The following TMEM25 variants were observed in gnomAD, a reference collection of about 807,000 sequenced individuals.
The protein encoded by TMEM25 is 0610039J01Rik.
Under a neutral mutation model 37.0 loss-of-function variants are expected in TMEM25, and 36 were observed. The ratio of observed to expected loss-of-function variants is 0.97; its 90% CI spans 0.75 to 1.28. The LOEUF (loss-of-function observed/expected upper bound fraction) is 1.28, where lower values mean the gene tolerates loss of function less well. Ranked by LOEUF, TMEM25 falls within the 50% of genes most tolerant of loss-of-function variation. The pLI is 0.00. For synonymous variants in TMEM25, 197 were observed against 203.7 expected, an observed-to-expected ratio of 0.97 and a Z score of 0.28; for missense variants, 444 against 477.9, an observed-to-expected ratio of 0.93 and a Z score of 0.66.
chr11:118,543,953 T>C (rs1272273311), intron 8 of TMEM25, among the ~76,000 whole-genome samples: 1 of 152,034 alleles, frequency 6.6e-6, no homozygotes, highest in African/African-American at 2.4e-5. Context: ...ACTACAGGCA[T>C]GCACCAAAAC....
intron 1 of TMEM25, 178 bp downstream of exon 1, chr11:118,531,412 T>G: frequency 2.6e-6 from 1 of 383,142 alleles, no homozygotes; most frequent in East Asian, 5.9e-5. Flanking sequence ...GGAGAGAGAA[T>G]AGGATTAGGA....
downstream of TMEM25, among the ~76,000 whole-genome samples, chr11:118,537,569 C>A (rs1951527098): frequency 6.6e-6 from 1 of 152,192 alleles, no homozygotes; most frequent in Admixed American, 6.5e-5. Flanking sequence ...TTTTCCTTCA[C>A]CCACATTTTC....
In TMEM25 at chr11:118,534,601, A is replaced by G. The variant is rs782136504; in HGVS notation, c.*21A>G. The stretch of plus-strand genomic sequence containing the variant: ...TCTGAGCCGAGGGCGAGACAGGAGT[A>G]TTCTCTTGGCCTCTGGACACCCTCC... On this transcript the variant is annotated 3_prime_UTR_variant, in exon 9 of 9. Coordinates refer to ENST00000313236, the MANE Select transcript of TMEM25 (RefSeq NM_032780.4). The surrounding 1 kb of genome is among the most constrained non-coding windows in gnomAD (Gnocchi z 4.6). The G allele has an allele frequency of 6.2e-7, 1 of 1,613,626 alleles. No individual in the cohort carries two copies. The highest frequency in any genetic ancestry group is 8.5e-7 in the Non-Finnish European group (1 of 1,179,668).
At chr11:118,539,716 A>T (rs1417352091), downstream of TMEM25, among the ~76,000 whole-genome samples, 1 of 151,602 alleles carries the variant, frequency 6.6e-6, no homozygotes, top group Admixed American at 6.6e-5. Context: ...ATGGGCTGTG[A>T]TTTTTTCTTT....
intron 4 of TMEM25, 26 bp from the exon 5 acceptor site, chr11:118,533,394 G>C (rs982160792): frequency 3.7e-5 from 59 of 1,612,338 alleles, no homozygotes; most frequent in Non-Finnish European, 4.8e-5. Context: ...ACCCACTTGG[G>C]ACCTGACACA....
Position 118,535,636 on chromosome 11 carries a change from A to G in TMEM25, c.*1056A>G. On this transcript the variant is annotated 3_prime_UTR_variant, in exon 9 of 9. Coordinates refer to ENST00000313236, the MANE Select transcript of TMEM25 (RefSeq NM_032780.4). The stretch of plus-strand genomic sequence containing the variant: ...AACAGTGTGGAAGCTTTAGGGGAAC[A>G]TGGAGAAAGAAGGAGACCACATACC... 1 of 1,525,670 alleles carries G rather than the reference A, an allele frequency of 6.6e-7. No homozygotes were observed. 94.5% of individuals were successfully genotyped at this position (1,525,670 alleles called of 1,614,324 possible).
intron 8 of TMEM25, chr11:118,545,501 CGAA>C (rs781965412): frequency 3.6e-5 from 58 of 1,607,512 alleles, no homozygotes; most frequent in African/African-American, 6.7e-5. Flanking sequence ...ATGGCTGAAA[CGAA>C]GAAGAACTTC....
chr11:118,542,553 G>T (rs1951591712), intron 8 of TMEM25, among the ~76,000 whole-genome samples: 1 of 151,568 alleles, frequency 6.6e-6, no homozygotes, highest in African/African-American at 2.4e-5. Context: ...AGGATGAGTT[G>T]AGGCCAGGAG....
At position 118,533,170 on chromosome 11, in the gene TMEM25, T is replaced by C; in HGVS notation, c.636T>C (p.Asn212=). ...LAHNLSVVAT[N]DVGVTSASLP... ...ACAACCTCTCGGTGGTGGCCACCAA[T>C]GACGTGGGTGTCACCAGTGCGTCGC... The change falls in exon 4 of 9, where the codon AAT becomes AAC. Residue 212 remains asparagine (N), a synonymous_variant. Coordinates refer to ENST00000313236, the MANE Select transcript of TMEM25 (RefSeq NM_032780.4). 1 of 1,526,352 alleles carries C rather than the reference T, an allele frequency of 6.6e-7. No individual in the cohort carries two copies. Among genetic ancestry groups the C allele is most frequent in the Non-Finnish European group, 8.8e-7 (1 of 1,140,328 alleles). The allele number at this position is 1,526,352 out of a possible 1,614,324, so 94.6% of individuals were successfully genotyped here.
At position 118,534,426 on chromosome 11, in the gene TMEM25, G is replaced by T. The variant is rs563103613; in HGVS notation, c.1027+71G>T. On this transcript the variant is annotated intron_variant, in intron 8 of 8. Transcript: ENST00000313236. This position sits in a 1 kb window ranked among gnomAD's most constrained non-coding sequence, Gnocchi z 4.6. Reference sequence around the variant, plus strand: ...CTGTGCTTATGCCAGAGGCCTCCAAGTGCCCAGGAGGCAGAGAGAGCTCTC... The same window carrying T: ...CTGTGCTTATGCCAGAGGCCTCCAATTGCCCAGGAGGCAGAGAGAGCTCTC... The T allele has an allele frequency of 6.2e-7, 1 of 1,610,058 alleles. No individual in the cohort carries two copies. The highest frequency in any genetic ancestry group is 8.5e-7 in the Non-Finnish European group (1 of 1,177,878).
chr11:118,536,606 ATAATATT>A (rs1458831732), downstream of TMEM25, among the ~76,000 whole-genome samples: 3 of 152,232 alleles, frequency 2.0e-5, no homozygotes, highest in African/African-American at 7.2e-5. Flanking sequence ...AGAAAAATAA[ATAATATT>A]TCTTTAATTA....
At position 118,534,438 on chromosome 11, in the gene TMEM25, C is replaced by T; in HGVS notation, c.1028-69C>T. 6.2e-7 allele frequency: 1 copy of T among 1,610,574 alleles called. No homozygotes were observed. The highest frequency in any genetic ancestry group is 8.5e-7 in the Non-Finnish European group (1 of 1,178,072). On this transcript the variant is annotated intron_variant, in intron 8 of 8. Coordinates refer to ENST00000313236, the MANE Select transcript of TMEM25 (RefSeq NM_032780.4). The surrounding 1 kb of genome is among the most constrained non-coding windows in gnomAD (Gnocchi z 4.6). ...CAGAGGCCTCCAAGTGCCCAGGAGG[C>T]AGAGAGAGCTCTCCAAATTCCAAGG...
At position 118,545,151 on chromosome 11, in the gene TMEM25, C is replaced by T. The variant is rs190497512; in HGVS notation, c.1028-968C>T. 5.3e-4 allele frequency: 380 copies of T among 723,598 alleles called. 3 individuals are homozygous for T. The highest frequency in any genetic ancestry group is 3.9e-3 in the African/African-American group (220 of 56,924). 44.8% of individuals were successfully genotyped at this position (723,598 alleles called of 1,614,324 possible). ...ATGAGGGAACTTGGTTCTGAAAGAA[C>T]GAGTGTCCTCTGTAGATCCTCACCT... On this transcript the variant is annotated intron_variant, in intron 8 of 8. Coordinates refer to the TMEM25 transcript ENST00000354284.
downstream of TMEM25, among the ~76,000 whole-genome samples, chr11:118,540,020 CAAA>C (rs200560621): frequency 0.24 from 19,120 of 80,158 alleles, 1,651 homozygotes; most frequent in East Asian, 0.57. Context: ...GACTCCGTCT[CAAA>C]AAAAAAAAAA....
Position 118,532,941 on chromosome 11 carries a change from G to A in TMEM25, c.407G>A (p.Gly136Asp), listed in dbSNP as rs1262578704. The change falls in exon 4 of 9, where the codon GGC becomes GAC. Residue 136 changes from glycine (G) to aspartate (D), a missense_variant. By Grantham distance (94) the Gly-to-Asp change is moderately conservative. Coordinates refer to ENST00000313236, the MANE Select transcript of TMEM25 (RefSeq NM_032780.4). ...VQFKPEIAQV[G>D]AKYQEAQGPG... ...GTCAAGCCAGAGATTGCCCAAGTCG[G>A]CGCCAAGTACCAGGAAGCTCAGGGC... 1 of 1,613,804 alleles carries A rather than the reference G, an allele frequency of 6.2e-7. No homozygotes were observed. The highest frequency in any genetic ancestry group is 1.3e-5 in the African/African-American group (1 of 74,928).
intron 1 of TMEM25, 53 bp downstream of exon 1, chr11:118,531,287 C>T (rs1555057952): frequency 4.3e-5 from 15 of 349,252 alleles, no homozygotes. Context: ...CGACCCCACC[C>T]TCCGACCCTC....
At position 118,545,714 on chromosome 11, in the gene TMEM25, C is replaced by T; in HGVS notation, c.1028-405C>T. 2.1e-6 allele frequency: 3 copies of T among 1,438,560 alleles called. No homozygotes were observed. In the South Asian group the frequency reaches 3.4e-5, roughly 16 times the overall value. The allele number at this position is 1,438,560 out of a possible 1,614,324, so 89.1% of individuals were successfully genotyped here. On this transcript the variant is annotated intron_variant, in intron 8 of 8. Coordinates refer to the TMEM25 transcript ENST00000354284. ...GGCTGAAACTCAAGATACTATCTTC[C>T]CAGAGTAAACAAGCCTGTCCAAAAG...
downstream of TMEM25, among the ~76,000 whole-genome samples, chr11:118,540,045 T>C (rs1373650828): frequency 6.7e-6 from 1 of 149,668 alleles, no homozygotes; most frequent in Non-Finnish European, 1.5e-5. Context: ...AAAAATTACA[T>C]TGGAGAATCA....
Position 118,532,339 on chromosome 11 carries a change from T to A in TMEM25, c.260T>A (p.Phe87Tyr). The stretch of plus-strand genomic sequence containing the variant: ...CTGCTGAGCGTGGGAGGGGAGGCCT[T>A]CTCTGGAGGCACCAGCACCTTCACT... ...SRLLSVGGEA[F>Y]SGGTSTFTVT... Residue 87 changes from phenylalanine (F) to tyrosine (Y), a missense_variant, in exon 3 of 9, where the codon TTC becomes TAC. Physicochemically the swap from Phe to Tyr is conservative, Grantham distance 22. Transcript: ENST00000313236. The A allele has an allele frequency of 1.2e-6, 2 of 1,614,156 alleles. No individual in the cohort carries two copies. The highest frequency in any genetic ancestry group is 1.3e-5 in the African/African-American group (1 of 75,050).
Sources: gnomAD v4.1 joint callset for allele counts (sites outside exome capture counted in the v4.1 genomes callset) on GRCh38, gnomAD v4.1.1 for gene constraint, Gnocchi (gnomAD v3.1) non-coding constraint, MANE v1.5 for transcripts, NCBI Gene and HGNC (gene_info 2026-07-23, HGNC 2026-07-21) for gene names.